DCTN6: variants seen among roughly 807,000 people sequenced by gnomAD.
The protein encoded by DCTN6 is dynactin 6.
Under a neutral mutation model 25.8 loss-of-function variants are expected in DCTN6, and 15 were observed. The observed-to-expected ratio is 0.58, with a 90% CI of 0.39 to 0.89. The LOEUF (loss-of-function observed/expected upper bound fraction) is 0.89, where lower values mean the gene tolerates loss of function less well. DCTN6 is among the 40% of genes least tolerant of loss of function. DCTN6 has a pLI of 0.00. For synonymous variants in DCTN6, 64 were observed against 78.3 expected (o/e 0.82, Z 0.96); for missense variants, 198 against 237.6 (o/e 0.83, Z 1.09).
chr8:30,174,661 A>G (rs1803807683), intron 2 of DCTN6, among the ~76,000 whole-genome samples: 1 of 152,238 alleles, frequency 6.6e-6, no homozygotes, highest in African/African-American at 2.4e-5. Flanking sequence ...AAAGCAGAAC[A>G]GCTTAAGCAA....
chr8:30,178,276 C>T (rs1349989754), intron 4 of DCTN6, among the ~76,000 whole-genome samples: 1 of 151,834 alleles, frequency 6.6e-6, no homozygotes, highest in Non-Finnish European at 1.5e-5. Context: ...CCAGCCTGAC[C>T]AACGTGGAGA....
chr8:30,161,640 C>A (rs936943890), intron 1 of DCTN6, among the ~76,000 whole-genome samples: 1 of 152,138 alleles, frequency 6.6e-6, no homozygotes, highest in African/African-American at 2.4e-5. Context: ...TCAGTGATGT[C>A]CAACCTGGGA....
intron 4 of DCTN6, among the ~76,000 whole-genome samples, chr8:30,177,829 A>C (rs1803862420): frequency 6.6e-6 from 1 of 152,260 alleles, no homozygotes; most frequent in Non-Finnish European, 1.5e-5. Context: ...AAATAAGTCA[A>C]TAGAGTAAAA....
intron 5 of DCTN6, among the ~76,000 whole-genome samples, chr8:30,179,757 G>A (rs138392089): frequency 5.1e-4 from 77 of 152,296 alleles, no homozygotes; most frequent in African/African-American, 1.7e-3. Context: ...GTTGGTTAGT[G>A]TTGTTGTAGA....
chr8:30,170,719 G>T (rs1803752270), intron 2 of DCTN6, among the ~76,000 whole-genome samples: 1 of 150,664 alleles, frequency 6.6e-6, no homozygotes, highest in South Asian at 2.1e-4. Context: ...TCGGCTCACT[G>T]CAACCTCTGC....
chr8:30,180,444 A>G, intron 5 of DCTN6, 44 bp from the exon 6 acceptor site: 2 of 1,587,968 alleles, frequency 1.3e-6, no homozygotes, highest in Non-Finnish European at 1.7e-6. Context: ...TGTTGGAATC[A>G]TTTGATGTCT....
At chr8:30,182,956 C>T (rs936412678) in intron 6 of DCTN6, 119 bp from the exon 7 acceptor site, 3 of 732,574 alleles carry the variant, frequency 4.1e-6, no homozygotes, top group Non-Finnish European at 7.1e-6. Context: ...TCAAATCATC[C>T]TCCTGTCTGG....
intron 1 of DCTN6, among the ~76,000 whole-genome samples, chr8:30,157,645 G>A (rs1462184367): frequency 6.6e-6 from 1 of 152,208 alleles, no homozygotes; most frequent in Non-Finnish European, 1.5e-5. Context: ...TTGTAAACAT[G>A]TGGGGACAGG....
intron 2 of DCTN6, among the ~76,000 whole-genome samples, chr8:30,166,994 A>AAAGG (rs892215905): frequency 6.7e-6 from 1 of 149,532 alleles, no homozygotes; most frequent in African/African-American, 2.5e-5. Context: ...GGGAGGAAGG[A>AAAGG]AAGGAAGGAA....
intron 5 of DCTN6, among the ~76,000 whole-genome samples, chr8:30,180,181 T>C (rs184555452): frequency 1.7e-3 from 264 of 152,374 alleles, no homozygotes; most frequent in Admixed American, 3.3e-3. Context: ...ACATCTGTTA[T>C]CACATTTATT....
intron 2 of DCTN6, 69 bp from the exon 3 acceptor site, chr8:30,175,016 G>A: frequency 6.8e-7 from 1 of 1,474,630 alleles, no homozygotes; most frequent in Non-Finnish European, 9.4e-7. Context: ...CCCATCCTCA[G>A]TCACCTTCCA....
chr8:30,170,595 T>C (rs1397650055), intron 2 of DCTN6, among the ~76,000 whole-genome samples: 1 of 152,146 alleles, frequency 6.6e-6, no homozygotes, highest in Non-Finnish European at 1.5e-5. Flanking sequence ...AGCTCACATA[T>C]TATTTTTTAA....
intron 5 of DCTN6, among the ~76,000 whole-genome samples, chr8:30,180,258 C>T (rs775068721): frequency 2.6e-4 from 40 of 152,236 alleles, no homozygotes; most frequent in Non-Finnish European, 5.3e-4. Context: ...GACTTTGCAG[C>T]GACTTTCCCA....
chr8:30,178,136 C>T (rs774338094), intron 4 of DCTN6, among the ~76,000 whole-genome samples: 6 of 152,054 alleles, frequency 3.9e-5, no homozygotes, highest in Non-Finnish European at 5.9e-5. Flanking sequence ...TAGAATGTCT[C>T]CAGTTCTTTT....
chr8:30,166,302 T>C (rs1803673389), intron 2 of DCTN6, among the ~76,000 whole-genome samples: 1 of 151,734 alleles, frequency 6.6e-6, no homozygotes, highest in Admixed American at 6.6e-5. Flanking sequence ...AACCCCGTTT[T>C]GGTTTTTTTT....
intron 4 of DCTN6, chr8:30,177,462 T>C (rs1803851453): frequency 3.9e-6 from 1 of 258,074 alleles, no homozygotes; most frequent in South Asian, 6.5e-5. Context: ...ATCCCAGCAC[T>C]GTGGGAGGCC....
intron 2 of DCTN6, among the ~76,000 whole-genome samples, chr8:30,165,137 G>A (rs1803648630): frequency 1.3e-5 from 2 of 152,172 alleles, no homozygotes; most frequent in Non-Finnish European, 2.9e-5. Flanking sequence ...CATGAAAATT[G>A]TGAGTAGTAA....
chr8:30,169,415 C>T (rs754342926), intron 2 of DCTN6, among the ~76,000 whole-genome samples: 2 of 152,192 alleles, frequency 1.3e-5, no homozygotes, highest in Non-Finnish European at 2.9e-5. Flanking sequence ...CAAGGAATAT[C>T]TTTCTGGCTA....
Position 30,180,536 on chromosome 8 carries a change from C to T in DCTN6, c.380C>T (p.Ala127Val), listed in dbSNP as rs1470384061. Reference protein sequence around the residue: ...VILTSGCIIGACCNLNTFEVI... With the variant: ...VILTSGCIIGVCCNLNTFEVI... ...TTGACAAGTGGCTGCATCATTGGGG[C>T]TTGTTGCAACCTAAATACATTTGAA... The change falls in exon 6 of 7, where the codon GCT (alanine) becomes GTT (valine). Residue 127 changes from alanine (A) to valine (V), a missense_variant. Transcript: ENST00000221114. 8.1e-6 allele frequency: 13 copies of T among 1,613,926 alleles called. No homozygotes were observed. Among genetic ancestry groups the T allele is most frequent in the East Asian group, 2.2e-5 (1 of 44,886 alleles).
Sources: allele counts gnomAD v4.1 joint callset (sites outside exome capture counted in the v4.1 genomes callset), GRCh38; gene constraint gnomAD v4.1.1; transcripts MANE v1.5; gene names NCBI Gene and HGNC (gene_info 2026-07-23, HGNC 2026-07-21).